Variants in PLEKHA6 observed in about 807,000 individuals in gnomAD.
PLEKHA6 encodes the protein pleckstrin homology domain containing A6.
PLEKHA6 carries 60 observed loss-of-function variants against 116.7 expected under a neutral mutation model. The observed-to-expected ratio is 0.51, with a 90% CI of 0.42 to 0.64. The LOEUF is 0.64. PLEKHA6 is among the 30% of genes least tolerant of loss of function. The probability of loss-of-function intolerance (pLI) is 0.00; values close to 1 mark genes in which losing one functional copy is unlikely to be tolerated. For synonymous variants in PLEKHA6, 489 were observed against 556.1 expected (o/e 0.88, Z 1.70); for missense variants, 1,338 against 1,422.7 (o/e 0.94, Z 0.96).
chr1:204,320,750 C>T (rs1483156175), intron 1 of PLEKHA6, among the ~76,000 whole-genome samples: 1 of 152,226 alleles, frequency 6.6e-6, no homozygotes, highest in African/African-American at 2.4e-5. Context: ...GCACACTGGG[C>T]TGGCCTGCAG....
intron 1 of PLEKHA6, chr1:204,307,925 G>C: frequency 1.3e-5 from 13 of 982,108 alleles, no homozygotes; most frequent in Non-Finnish European, 1.6e-5. Context: ...TGCAGCTTAA[G>C]AGCAGAGATT....
chr1:204,328,714 T>C (rs750747479), intron 1 of PLEKHA6, among the ~76,000 whole-genome samples: 2 of 152,230 alleles, frequency 1.3e-5, no homozygotes, highest in African/African-American at 4.8e-5. Flanking sequence ...TGTCTGCTGC[T>C]ACTCTGTCCC....
upstream of PLEKHA6, among the ~76,000 whole-genome samples, chr1:204,361,907 G>A (rs185566746): frequency 2.6e-5 from 4 of 152,358 alleles, no homozygotes; most frequent in East Asian, 7.7e-4. Flanking sequence ...CCCAGCCCAA[G>A]CCCCCACAAT....
At chr1:204,356,816 A>C (rs1384816697) in intron 1 of PLEKHA6, among the ~76,000 whole-genome samples, 2 of 152,210 alleles carry the variant, frequency 1.3e-5, no homozygotes, top group Non-Finnish European at 2.9e-5. Flanking sequence ...CTACATTTTT[A>C]AATGACAATG....
At chr1:204,351,786 C>T (rs185794392) in intron 1 of PLEKHA6, among the ~76,000 whole-genome samples, 80 of 152,312 alleles carry the variant, frequency 5.3e-4, no homozygotes, top group Admixed American at 2.7e-3. Context: ...GGAATTCCTT[C>T]AGCTCCTGCC....
chr1:204,241,926 A>G, intron 15 of PLEKHA6, 112 bp from the exon 16 acceptor site: 2 of 1,175,758 alleles, frequency 1.7e-6, no homozygotes, highest in Non-Finnish European at 2.5e-6. Context: ...TTGCAGATAC[A>G]AGGAACAAGG....
At chr1:204,296,000 A>G (rs6679074) in intron 1 of PLEKHA6, among the ~76,000 whole-genome samples, 74,707 of 151,990 alleles carry the variant, frequency 0.49, 18,810 homozygotes, top group East Asian at 0.77. Context: ...GGGTGCACGC[A>G]CACAGAGGAA....
chr1:204,241,046 C>T (rs544183976), intron 17 of PLEKHA6, among the ~76,000 whole-genome samples: 1 of 152,272 alleles, frequency 6.6e-6, no homozygotes, highest in Admixed American at 6.5e-5. Context: ...CTTCTTGCTC[C>T]TCAGCTTGTA....
Position 204,268,314 on chromosome 1 carries a change from T to TG in PLEKHA6, c.103-3dup. 6.2e-7 allele frequency: 1 copy of TG among 1,601,666 alleles called. No individual in the cohort carries two copies. ...GGCTTTGCGGGCTGTGCGAGTTGCCTGGGGGCAGAGAGAGAAGCTGATCTA... is the reference window on the plus strand; with the variant it reads ...GGCTTTGCGGGCTGTGCGAGTTGCCTGGGGGGCAGAGAGAGAAGCTGATCTA... On this transcript the variant is annotated splice_polypyrimidine_tract_variant and splice_region_variant and intron_variant, in intron 3 of 22. Coordinates refer to ENST00000272203, the MANE Select transcript of PLEKHA6 (RefSeq NM_014935.5).
chr1:204,377,970 A>C (rs1673901727), upstream of PLEKHA6: 1 of 152,376 alleles, frequency 6.6e-6, no homozygotes, highest in South Asian at 2.1e-4. Flanking sequence ...CCGTTTCCTG[A>C]ACTTTAATGA....
intron 1 of PLEKHA6, among the ~76,000 whole-genome samples, chr1:204,343,097 G>A (rs1435715472): frequency 1.3e-5 from 2 of 152,176 alleles, no homozygotes; most frequent in African/African-American, 4.8e-5. Context: ...ATCTAAGCCT[G>A]ACAGCTGTCC....
chr1:204,280,218 T>A (rs1558129756), intron 1 of PLEKHA6: 2 of 745,294 alleles, frequency 2.7e-6, no homozygotes, highest in Non-Finnish European at 3.3e-6. Flanking sequence ...CACATAGAGA[T>A]AACTCTGCAT....
chr1:204,242,980 C>T (rs998872370), intron 15 of PLEKHA6: 4 of 398,320 alleles, frequency 1.0e-5, no homozygotes, highest in African/African-American at 8.2e-5. Context: ...TCCAGCTGGG[C>T]AGGGGTGCCG....
At chr1:204,258,016 A>T in intron 8 of PLEKHA6, 147 bp from the exon 9 acceptor site, 1 of 681,408 alleles carries the variant, frequency 1.5e-6, no homozygotes, top group South Asian at 2.0e-5. Flanking sequence ...TGAGGGAAAG[A>T]CTCCTGTCCT....
At chr1:204,247,949 T>TCC (rs1663974676) in intron 12 of PLEKHA6, among the ~76,000 whole-genome samples, 1 of 73,782 alleles carries the variant, frequency 1.4e-5, no homozygotes. Flanking sequence ...TGAGACCCTG[T>TCC]TCTTAAAAAA....
rs111847036 is a variant in PLEKHA6 at position 204,229,197 on chromosome 1, G to T, written c.2584-93C>A. 8 of 1,217,790 alleles carry T rather than the reference G, an allele frequency of 6.6e-6. No individual in the cohort carries two copies. The African/African-American group carries it at 7.4e-5, about 11-fold the overall frequency. 75.4% of individuals were successfully genotyped at this position (1,217,790 alleles called of 1,614,324 possible). ...TGTCCTCGCTTTCCCTTCCCAGCTC[G>T]CCTGATCTAGCTGCCACCCCACTGC... is the stretch of plus-strand genomic sequence containing the variant. On this transcript the variant is annotated intron_variant, in intron 18 of 22. Transcript: ENST00000272203.
At chr1:204,252,857 G>A (rs930617569) in intron 9 of PLEKHA6, among the ~76,000 whole-genome samples, 2 of 152,234 alleles carry the variant, frequency 1.3e-5, no homozygotes, top group African/African-American at 4.8e-5. Flanking sequence ...TTGAGGGCCA[G>A]GAGCCATCCA....
At chr1:204,356,625 T>G (rs1008821563) in intron 1 of PLEKHA6, among the ~76,000 whole-genome samples, 5 of 151,710 alleles carry the variant, frequency 3.3e-5, no homozygotes, top group African/African-American at 1.2e-4. Flanking sequence ...TTTAATAATA[T>G]GAAAAAATGC....
At chr1:204,345,068 G>A (rs144992512) in intron 1 of PLEKHA6, among the ~76,000 whole-genome samples, 4 of 152,256 alleles carry the variant, frequency 2.6e-5, no homozygotes, top group Non-Finnish European at 5.9e-5. Context: ...ATTTATCGGC[G>A]AGAAAGACAT....
Sources: allele counts gnomAD v4.1 joint callset (sites outside exome capture counted in the v4.1 genomes callset), GRCh38; gene constraint gnomAD v4.1.1; transcripts MANE v1.5; gene names NCBI Gene and HGNC (gene_info 2026-07-23, HGNC 2026-07-21).